HMGXB4: variants seen among roughly 807,000 people sequenced by gnomAD.
HMGXB4 encodes the protein HMG-box containing 4.
HMGXB4 carries 27 observed loss-of-function variants against 63.9 expected under a neutral mutation model. The ratio of observed to expected loss-of-function variants is 0.42; its 90% CI spans 0.31 to 0.58. HMGXB4 has a LOEUF of 0.58. HMGXB4 is among the 20% of genes least tolerant of loss of function. HMGXB4 has a pLI of 0.13. For synonymous variants in HMGXB4, 264 were observed against 265.3 expected (o/e 0.99, Z 0.05); for missense variants, 624 against 700.7 (o/e 0.89, Z 1.24).
At chr22:35,291,289 T>G (rs1050879540) in intron 9 of HMGXB4, among the ~76,000 whole-genome samples, 2 of 151,770 alleles carry the variant, frequency 1.3e-5, no homozygotes, top group African/African-American at 4.9e-5. Context: ...ATAAAAATTG[T>G]GCGTGTGTGT....
At chr22:35,262,079 AG>A in intron 1 of HMGXB4, 1 of 313,402 alleles carries the variant, frequency 3.2e-6, no homozygotes, top group Non-Finnish European at 5.9e-6. Context: ...TTTGTATTGG[AG>A]GTATTTTATA....
At chr22:35,247,091 C>T in the HMGXB4 span, among the ~76,000 whole-genome samples, 1 of 152,078 alleles carries the variant, frequency 6.6e-6, no homozygotes, top group Non-Finnish European at 1.5e-5. Flanking sequence ...TTTTTCCATG[C>T]CTGGTGATTT....
chr22:35,289,135 A>G (rs918668420), intron 9 of HMGXB4, among the ~76,000 whole-genome samples: 1 of 128,380 alleles, frequency 7.8e-6, no homozygotes, highest in Non-Finnish European at 1.8e-5. Context: ...GCAAGACTCC[A>G]TCACAAAAAA....
At position 35,293,742 on chromosome 22, in the gene HMGXB4, C is replaced by A. The variant is rs1260734583; in HGVS notation, c.*91C>A. On this transcript the variant is annotated 3_prime_UTR_variant, in exon 11 of 11. Coordinates refer to ENST00000216106, the MANE Select transcript of HMGXB4 (RefSeq NM_001003681.3). ...TGCAGATTCCTTCAGTGGCCTCTGG[C>A]TGTAGGTTTTAAATTTTTATATCTA... 3.4e-6 allele frequency: 3 copies of A among 883,260 alleles called. No homozygotes were observed. The highest frequency in any genetic ancestry group is 5.5e-6 in the Non-Finnish European group (3 of 544,540). 54.7% of individuals were successfully genotyped at this position (883,260 alleles called of 1,614,324 possible). A position where few individuals can be genotyped will look rare whatever the true frequency, so the allele number is the denominator to read the frequency against.
chr22:35,265,092 T>C lies in HMGXB4; in HGVS notation c.704T>C (p.Leu235Ser). The C allele has an allele frequency of 6.2e-7, 1 of 1,614,172 alleles. No homozygotes were observed. The highest frequency in any genetic ancestry group is 8.5e-7 in the Non-Finnish European group (1 of 1,180,018). The change falls in exon 5 of 11, where the codon TTA becomes TCA. Residue 235 changes from leucine (L) to serine (S), a missense_variant. By Grantham distance (145) the Leu-to-Ser change is moderately radical. This residue lies in a region of HMGXB4 where 472 missense variants were observed against 470.6 expected (regional missense o/e 1.00). Transcript: ENST00000216106. Reference protein sequence around the residue: ...KKSARDEQGALLLGHELQSFL... With the variant: ...KKSARDEQGASLLGHELQSFL... ...TCAGCTCGGGATGAGCAGGGTGCTT[T>C]ACTCCTAGGACATGAGTTACAGAGC...
At chr22:35,290,700 C>T (rs986664635) in intron 9 of HMGXB4, among the ~76,000 whole-genome samples, 5 of 151,272 alleles carry the variant, frequency 3.3e-5, no homozygotes, top group Non-Finnish European at 5.9e-5. Context: ...CCCTCTAATC[C>T]ACTTTTGGCC....
intron 9 of HMGXB4, among the ~76,000 whole-genome samples, chr22:35,290,170 A>T (rs1261506696): frequency 6.6e-6 from 1 of 152,210 alleles, no homozygotes; most frequent in Non-Finnish European, 1.5e-5. Flanking sequence ...TACGTTTCGT[A>T]AGAAGTTAGA....
intron 7 of HMGXB4, chr22:35,287,143 T>C (rs1311130079): frequency 5.7e-6 from 3 of 523,040 alleles, no homozygotes; most frequent in African/African-American, 1.9e-5. Flanking sequence ...TTGAGGAATG[T>C]TTATAGTCCT....
chr22:35,249,175 C>CA, the HMGXB4 span, among the ~76,000 whole-genome samples: 34 of 100,888 alleles, frequency 3.4e-4, 3 homozygotes, highest in South Asian at 6.8e-4. Flanking sequence ...TCTCCTGCCT[C>CA]GGCCTCCTGA....
At chr22:35,290,447 C>T (rs996147426) in intron 9 of HMGXB4, among the ~76,000 whole-genome samples, 3 of 151,858 alleles carry the variant, frequency 2.0e-5, no homozygotes, top group Non-Finnish European at 4.4e-5. Flanking sequence ...AGATCGAGAC[C>T]ATCCTGGCAA....
chr22:35,279,169 G>A (rs769749717), intron 5 of HMGXB4, among the ~76,000 whole-genome samples: 13 of 84,798 alleles, frequency 1.5e-4, no homozygotes, highest in South Asian at 4.2e-4. Flanking sequence ...TTTTTGAGAC[G>A]GAGTTTCACT....
Position 35,279,132 on chromosome 22 carries a change from C to CTTTTTTTTTT in HMGXB4, c.1216-4808_1216-4799dup, listed in dbSNP as rs551006065. ...TATTTTCTCACAGTCTATGGATTGT[C>CTTTTTTTTTT]TTTTTTTTTTTTTTTTTTTTTTTTT... On this transcript the variant is annotated intron_variant, in intron 5 of 10. Transcript: ENST00000216106. Among the ~76,000 whole-genome samples the CTTTTTTTTTT allele has an allele frequency of 7.9e-5, 4 of 50,824 alleles. 1 individual carries two copies. Among genetic ancestry groups the CTTTTTTTTTT allele is most frequent in the African/African-American group, 3.7e-4 (4 of 10,958 alleles). The allele number at this position is 50,824 out of a possible 152,430, so 33.3% of individuals were successfully genotyped here. A position where few individuals can be genotyped will look rare whatever the true frequency, so the allele number is the denominator to read the frequency against.
chr22:35,250,140 T>C, the HMGXB4 span, among the ~76,000 whole-genome samples: 1 of 151,590 alleles, frequency 6.6e-6, no homozygotes, highest in African/African-American at 2.4e-5. Context: ...CCCCACCACA[T>C]TCCAACCCAC....
the HMGXB4 span, among the ~76,000 whole-genome samples, chr22:35,252,445 C>G: frequency 6.6e-6 from 1 of 152,206 alleles, no homozygotes. Flanking sequence ...ACAGAGACCT[C>G]ACAGAAGCAC....
intron 5 of HMGXB4, among the ~76,000 whole-genome samples, chr22:35,275,561 G>A (rs918250916): frequency 6.6e-6 from 1 of 152,138 alleles, no homozygotes; most frequent in Admixed American, 6.5e-5. Flanking sequence ...AGTTAAGCAG[G>A]ACACTTTATA....
chr22:35,293,194 C>T lies in HMGXB4; in HGVS notation c.1761+80C>T, dbSNP rs148356300. The T allele has an allele frequency of 4.0e-6, 6 of 1,512,202 alleles. No homozygotes were observed. The East Asian group carries it at 6.8e-5, about 17-fold the overall frequency. The allele number at this position is 1,512,202 out of a possible 1,614,324, so 93.7% of individuals were successfully genotyped here. On this transcript the variant is annotated intron_variant, in intron 10 of 10. Coordinates refer to ENST00000216106, the MANE Select transcript of HMGXB4 (RefSeq NM_001003681.3). The stretch of plus-strand genomic sequence containing the variant: ...GCCTTAATGAGCACTGTCAGACACA[C>T]ATAAGGCTTTGTGACACACAGTGCT...
intron 5 of HMGXB4, among the ~76,000 whole-genome samples, chr22:35,273,546 T>C (rs1413939673): frequency 6.6e-6 from 1 of 152,264 alleles, no homozygotes; most frequent in Non-Finnish European, 1.5e-5. Context: ...TACTTTCGCT[T>C]ACGTCTTAAG....
At chr22:35,279,001 C>T (rs1385491269) in intron 5 of HMGXB4, among the ~76,000 whole-genome samples, 2 of 151,848 alleles carry the variant, frequency 1.3e-5, no homozygotes, top group Admixed American at 6.6e-5. Context: ...GAGCTATGAT[C>T]GCACCACTGC....
the HMGXB4 span, among the ~76,000 whole-genome samples, chr22:35,247,715 C>T: frequency 6.6e-6 from 1 of 151,972 alleles, no homozygotes; most frequent in African/African-American, 2.4e-5. Flanking sequence ...TGTCTGAAAA[C>T]CATTTTAGAC....
Sources: gnomAD v4.1 joint callset for allele counts (sites outside exome capture counted in the v4.1 genomes callset) on GRCh38, gnomAD v4.1.1 for gene constraint, gnomAD v4.1.1 regional missense constraint, MANE v1.5 for transcripts, NCBI Gene and HGNC (gene_info 2026-07-23, HGNC 2026-07-21) for gene names.